The following UGT2B17 variants were observed in gnomAD, a reference collection of about 807,000 sequenced individuals.
The protein encoded by UGT2B17 is UDP-glucuronosyltransferase 2B17.
UGT2B17 carries 21 observed loss-of-function variants against 48.2 expected under a neutral mutation model. The observed-to-expected ratio is 0.44, with a 90% CI of 0.31 to 0.63. The LOEUF (loss-of-function observed/expected upper bound fraction) is 0.63, where lower values mean the gene tolerates loss of function less well. UGT2B17 is among the 20% of genes least tolerant of loss of function. The pLI is 0.08. For synonymous variants in UGT2B17, 146 were observed against 238.4 expected (o/e 0.61, Z 3.57); for missense variants, 402 against 696.1 (o/e 0.58, Z 4.75).
intron 4 of UGT2B17, among the ~76,000 whole-genome samples, chr4:68,555,511 C>A (rs187029362): frequency 8.0e-6 from 1 of 125,744 alleles, no homozygotes; most frequent in Admixed American, 8.2e-5. Context: ...GAAATAAACA[C>A]GGAGAGCTTG....
Position 68,547,316 on chromosome 4 carries a change from A to C in UGT2B17, c.1313+3361T>G, listed in dbSNP as rs916395921. Among the ~76,000 whole-genome samples the C allele has an allele frequency of 7.9e-5, 10 of 126,212 alleles. 3 individuals are homozygous for C. The highest frequency in any genetic ancestry group is 1.0e-4 in the Non-Finnish European group (6 of 59,554). 82.8% of individuals were successfully genotyped at this position (126,212 alleles called of 152,430 possible). ...CTTTGACAAACCTTACAAAAACAAG[A>C]AATGGGGAAAGGATTCCCTATTTAA... On this transcript the variant is annotated intron_variant, in intron 6 of 6. Coordinates refer to ENST00000317746, the MANE Select transcript of UGT2B17 (RefSeq NM_001077.4).
Position 68,565,708 on chromosome 4 carries a change from G to T in UGT2B17, c.737C>A (p.Thr246Lys). 1.0e-5 allele frequency: 14 copies of T among 1,344,998 alleles called. 3 individuals carry two copies. The highest frequency in any genetic ancestry group is 1.3e-5 in the Non-Finnish European group (14 of 1,038,860). The allele number at this position is 1,344,998 out of a possible 1,614,324, so 83.3% of individuals were successfully genotyped here. A position where few individuals can be genotyped will look rare whatever the true frequency, so the allele number is the denominator to read the frequency against. ...FYSEVLGRPTTLFETMGKAEM... is the reference protein window; with the variant it reads ...FYSEVLGRPTKLFETMGKAEM... ...AGCTTTCCCCATTGTCTCAAATAAT[G>T]TAGTGGGTCTTCCTGATGGAAAAAA... The change falls in exon 3 of 7, where the codon ACA becomes AAA. Residue 246 changes from threonine to lysine, a missense_variant. Physicochemically the swap from Thr to Lys is moderately conservative, Grantham distance 78. Transcript: ENST00000317746.
chr4:68,542,836 G>A lies in UGT2B17; in HGVS notation c.1314-4932C>T, dbSNP rs191641801. Among the ~76,000 whole-genome samples, 113 of 127,040 alleles carry A rather than the reference G, an allele frequency of 8.9e-4. 30 individuals carry two copies. Among genetic ancestry groups the A allele is most frequent in the Admixed American group, 1.6e-3 (20 of 12,538 alleles). The allele number at this position is 127,040 out of a possible 152,430, so 83.3% of individuals were successfully genotyped here. A position where few individuals can be genotyped will look rare whatever the true frequency, so the allele number is the denominator to read the frequency against. ...GAGGGTCCTACGCCCACGGAGCCTC[G>A]CTCATTGCTAGCACAGCAGTCTGAG... is the stretch of plus-strand genomic sequence containing the variant. On this transcript the variant is annotated intron_variant, in intron 6 of 6. Transcript: ENST00000317746.
chr4:68,573,900 G>A lies in UGT2B17; in HGVS notation c.-65+2051C>T. 1.6e-5 allele frequency among the ~76,000 whole-genome samples: 2 copies of A among 126,468 alleles called. 1 individual carries two copies. Among genetic ancestry groups the A allele is most frequent in the Non-Finnish European group, 3.4e-5 (2 of 59,614 alleles). 83.0% of individuals were successfully genotyped at this position (126,468 alleles called of 152,430 possible). ...AGACAGAAGCTGGATGGCCCTTGGGGGCTGACTGGCAGGGACTTCAGGATA... is the reference window on the plus strand; with the variant it reads ...AGACAGAAGCTGGATGGCCCTTGGGAGCTGACTGGCAGGGACTTCAGGATA... On this transcript the variant is annotated intron_variant, in intron 1 of 6. Transcript: ENST00000317746.
At chr4:68,565,903 AT>A (rs199649419) in intron 2 of UGT2B17, among the ~76,000 whole-genome samples, 183 bp from the exon 3 acceptor site, 2,516 of 119,848 alleles carry the variant, frequency 0.021, 584 homozygotes, top group East Asian at 0.067. Context: ...TATTAAATAC[AT>A]TATATTAAAT....
At chr4:68,565,986 T>C (rs1731193130) in intron 2 of UGT2B17, among the ~76,000 whole-genome samples, 1 of 118,602 alleles carries the variant, frequency 8.4e-6, no homozygotes, top group African/African-American at 2.8e-5. Flanking sequence ...TATATTTTAA[T>C]TTAATAGTAT....
chr4:68,550,988 G>A (rs1023555235), intron 5 of UGT2B17, 92 bp from the exon 6 acceptor site: 1 of 930,116 alleles, frequency 1.1e-6, no homozygotes, highest in African/African-American at 1.7e-5. Context: ...AAGCAAAACT[G>A]TTCCCTAGGT....
rs1055715250 is a variant in UGT2B17 at position 68,565,874 on chromosome 4, TATATA to T, written c.725-159_725-155del. 6.7e-5 allele frequency among the ~76,000 whole-genome samples: 8 copies of T among 120,200 alleles called. 2 individuals carry two copies. Among genetic ancestry groups the T allele is most frequent in the African/African-American group, 2.3e-4 (8 of 35,486 alleles). 78.9% of individuals were successfully genotyped at this position (120,200 alleles called of 152,430 possible). ...CATTGATAATATATATAAATACATT[TATATA>T]ATATAATACATTATATTAAATACAT... On this transcript the variant is annotated intron_variant, in intron 2 of 6. Transcript: ENST00000317746.
At chr4:68,541,107 T>A (rs1730647379) in intron 6 of UGT2B17, among the ~76,000 whole-genome samples, 1 of 126,328 alleles carries the variant, frequency 7.9e-6, no homozygotes, top group Admixed American at 8.2e-5. Context: ...GCAATAGACA[T>A]ACATGTGCAT....
intron 3 of UGT2B17, among the ~76,000 whole-genome samples, chr4:68,561,757 A>G (rs1731107094): frequency 8.5e-6 from 1 of 117,296 alleles, no homozygotes; most frequent in African/African-American, 2.9e-5. Flanking sequence ...CCATTCTCTA[A>G]TGCCACATCA....
At position 68,570,536 on chromosome 4, in the gene UGT2B17, A is replaced by G. The variant is rs1433825539; in HGVS notation, c.-64-1988T>C. Among the ~76,000 whole-genome samples, 4 of 126,116 alleles carry G rather than the reference A, an allele frequency of 3.2e-5. 1 individual carries two copies. The highest frequency in any genetic ancestry group is 1.6e-4 in the Admixed American group (2 of 12,416). The allele number at this position is 126,116 out of a possible 152,430, so 82.7% of individuals were successfully genotyped here. A position where few individuals can be genotyped will look rare whatever the true frequency, so the allele number is the denominator to read the frequency against. On this transcript the variant is annotated intron_variant, in intron 1 of 6. Transcript: ENST00000317746. The stretch of plus-strand genomic sequence containing the variant: ...ATAAAACAATATAAAATAATCTGAG[A>G]GGGTCCTTCTCTTCCTTCATTCCCC...
intron 1 of UGT2B17, among the ~76,000 whole-genome samples, chr4:68,575,645 CAAACCAAAATCA>C (rs1731361879): frequency 8.0e-6 from 1 of 125,728 alleles, no homozygotes; most frequent in African/African-American, 2.7e-5. Context: ...CAGTTTACAC[CAAACCAAAATCA>C]AAACCAAAAT....
In UGT2B17 at chr4:68,554,932, T is replaced by C. The variant is rs148174672; in HGVS notation, c.1006-3021A>G. Among the ~76,000 whole-genome samples, 566 of 125,726 alleles carry C rather than the reference T, an allele frequency of 4.5e-3. 106 individuals are homozygous for C. Among genetic ancestry groups the C allele is most frequent in the African/African-American group, 0.014 (510 of 37,070 alleles). The allele number at this position is 125,726 out of a possible 152,430, so 82.5% of individuals were successfully genotyped here. On this transcript the variant is annotated intron_variant, in intron 4 of 6. Transcript: ENST00000317746. ...TTGGCATGCTTACTACATCTATGTA[T>C]TTATGTGTTTTGTACACAATGTTTT...
chr4:68,564,815 T>G lies in UGT2B17; in HGVS notation c.873+757A>C, dbSNP rs1055667527. Among the ~76,000 whole-genome samples, 14 of 125,988 alleles carry G rather than the reference T, an allele frequency of 1.1e-4. 2 individuals are homozygous for G. Among genetic ancestry groups the G allele is most frequent in the African/African-American group, 3.5e-4 (13 of 36,798 alleles). The allele number at this position is 125,988 out of a possible 152,430, so 82.7% of individuals were successfully genotyped here. Reference sequence around the variant, plus strand: ...CCCAGACTCAAGCAAGCCTCCTGCCTCAGCCTCTTAAGTAGCTGGGACTAT... The same window carrying G: ...CCCAGACTCAAGCAAGCCTCCTGCCGCAGCCTCTTAAGTAGCTGGGACTAT... On this transcript the variant is annotated intron_variant, in intron 3 of 6. Coordinates refer to ENST00000317746, the MANE Select transcript of UGT2B17 (RefSeq NM_001077.4).
intron 1 of UGT2B17, among the ~76,000 whole-genome samples, chr4:68,574,954 C>CT (rs760597353): frequency 0.5 from 54,544 of 109,614 alleles, 19,475 homozygotes; most frequent in East Asian, 0.82. Context: ...CCTCCCCCCC[C>CT]TTTTTTTTTT....
In UGT2B17 at chr4:68,548,858, C is replaced by T. The variant is rs1318851958; in HGVS notation, c.1313+1819G>A. ...ATTTTTGCATATTGATTTTTCTATC[C>T]GGAGGCTTTGCTGAAGTTGCTTATC... On this transcript the variant is annotated intron_variant, in intron 6 of 6. Coordinates refer to ENST00000317746, the MANE Select transcript of UGT2B17 (RefSeq NM_001077.4). 1.6e-5 allele frequency among the ~76,000 whole-genome samples: 2 copies of T among 124,444 alleles called. 1 individual carries two copies. Among genetic ancestry groups the T allele is most frequent in the African/African-American group, 5.5e-5 (2 of 36,516 alleles). The allele number at this position is 124,444 out of a possible 152,430, so 81.6% of individuals were successfully genotyped here.
rs755353422 is a variant in UGT2B17 at position 68,568,221 on chromosome 4, AT to A, written c.263del (p.Asp88ValfsTer4). 8.7e-6 allele frequency: 12 copies of A among 1,372,960 alleles called. 3 individuals carry two copies. Among genetic ancestry groups the A allele is most frequent in the Non-Finnish European group, 1.0e-5 (11 of 1,052,886 alleles). 85.0% of individuals were successfully genotyped at this position (1,372,960 alleles called of 1,614,324 possible). ...ATCTATCGAACATTTTCATAAAAAA[AT>A]CTTCCAAATCATTTTTAGTTAAAGA... Reference protein sequence around the residue: ...PTSLTKNDLEDFFMKMFDRWT... With the variant: ...PTSLTKNDLEXFFMKMFDRWT... On this transcript the variant is annotated frameshift_variant, in exon 2 of 7. Coordinates refer to ENST00000317746, the MANE Select transcript of UGT2B17 (RefSeq NM_001077.4). LOFTEE classifies it high-confidence loss of function.
In UGT2B17 at chr4:68,543,403, C is replaced by T. The variant is rs1032229628; in HGVS notation, c.1314-5499G>A. 7.1e-5 allele frequency among the ~76,000 whole-genome samples: 9 copies of T among 125,912 alleles called. 4 individuals carry two copies. In the East Asian group the frequency reaches 2.3e-3, roughly 32 times the overall value. 82.6% of individuals were successfully genotyped at this position (125,912 alleles called of 152,430 possible). ...GACTGTTAGAAGGAAAACTAACAAA[C>T]GGAAAGGACATCCACACCAAAACCC... On this transcript the variant is annotated intron_variant, in intron 6 of 6. Coordinates refer to ENST00000317746, the MANE Select transcript of UGT2B17 (RefSeq NM_001077.4).
rs781378833 is a variant in UGT2B17, at chr4:68,551,921, C to A, written c.1006-10G>T. The A allele has an allele frequency of 1.5e-6, 2 of 1,312,474 alleles. No individual in the cohort carries two copies. Among genetic ancestry groups the A allele is most frequent in the South Asian group, 1.8e-5 (1 of 54,370 alleles). The allele number at this position is 1,312,474 out of a possible 1,614,324, so 81.3% of individuals were successfully genotyped here. ...CAAATCTCCATAGAACCTGTTAGGG[C>A]AAGGAAAATATCTTGTTCAATGAAT... On this transcript the variant is annotated splice_polypyrimidine_tract_variant and intron_variant, in intron 4 of 6. Transcript: ENST00000317746.
Sources: gnomAD v4.1 joint callset for allele counts (sites outside exome capture counted in the v4.1 genomes callset) on GRCh38, gnomAD v4.1.1 for gene constraint, MANE v1.5 for transcripts, NCBI Gene and HGNC (gene_info 2026-07-23, HGNC 2026-07-21) for gene names.